ZC3H12B: variants seen among roughly 807,000 people sequenced by gnomAD.
ZC3H12B encodes the protein zinc finger CCCH-type containing 12B.
In ZC3H12B, 7 loss-of-function variants were observed where a neutral mutation model predicts 43.9. The ratio of observed to expected loss-of-function variants is 0.16; its 90% CI spans 0.09 to 0.30. The LOEUF (loss-of-function observed/expected upper bound fraction) is 0.30. ZC3H12B is among the 10% of genes least tolerant of loss of function. The pLI is 1.00. For synonymous variants in ZC3H12B, 222 were observed against 241.7 expected, an observed-to-expected ratio of 0.92 and a Z score of 0.76; for missense variants, 475 against 670.2, an observed-to-expected ratio of 0.71 and a Z score of 3.22.
At chrX:65,436,909 G>A (rs1438494331) in intron 3 of ZC3H12B, among the ~76,000 whole-genome samples, 1 of 110,501 alleles carries the variant, frequency 9.0e-6, no homozygotes, top group South Asian at 3.9e-4. Context: ...TCATCCTGTT[G>A]TACTATCAAA....
the ZC3H12B span, among the ~76,000 whole-genome samples, chrX:65,164,862 G>C: frequency 8.9e-6 from 1 of 111,975 alleles, no homozygotes; most frequent in Non-Finnish European, 1.9e-5. Flanking sequence ...GAATGTTAGA[G>C]CACAGGATAA....
the ZC3H12B span, among the ~76,000 whole-genome samples, chrX:65,119,041 A>G: frequency 4.3e-3 from 471 of 110,351 alleles, 2 homozygotes; most frequent in African/African-American, 0.013. Context: ...TCTTAATCCA[A>G]TCTATCATTG....
At chrX:65,491,160 A>T (rs779882658) in intron 1 of ZC3H12B, among the ~76,000 whole-genome samples, 13 of 112,158 alleles carry the variant, frequency 1.2e-4, no homozygotes, top group Non-Finnish European at 2.1e-4. Context: ...CAAATGAATG[A>T]AATGAAACAA....
the ZC3H12B span, among the ~76,000 whole-genome samples, chrX:65,192,544 A>C: frequency 6.3e-5 from 7 of 110,866 alleles, no homozygotes; most frequent in Admixed American, 6.8e-4. Context: ...GTTTTTTGGT[A>C]GGTTTATTTA....
At chrX:65,103,392 T>A in the ZC3H12B span, among the ~76,000 whole-genome samples, 1 of 112,058 alleles carries the variant, frequency 8.9e-6, no homozygotes, top group Admixed American at 9.5e-5. Context: ...ACTGTTATCC[T>A]GTTCTTTTTT....
the ZC3H12B span, among the ~76,000 whole-genome samples, chrX:65,108,229 A>G: frequency 9.0e-6 from 1 of 111,140 alleles, no homozygotes; most frequent in Non-Finnish European, 1.9e-5. Context: ...TTATTTTTAA[A>G]TTTTTAATAA....
intron 3 of ZC3H12B, among the ~76,000 whole-genome samples, chrX:65,414,721 C>A (rs935443509): frequency 9.0e-6 from 1 of 111,306 alleles, no homozygotes; most frequent in East Asian, 2.8e-4. Flanking sequence ...TCTCTACCTT[C>A]GCTTCTTTTT....
chrX:65,235,066 T>C, the ZC3H12B span, among the ~76,000 whole-genome samples: 2 of 112,310 alleles, frequency 1.8e-5, no homozygotes, highest in African/African-American at 6.5e-5. Context: ...GATGTATATG[T>C]ATTTCATTTT....
the ZC3H12B span, among the ~76,000 whole-genome samples, chrX:65,331,659 G>T: frequency 9.0e-6 from 1 of 110,576 alleles, no homozygotes; most frequent in African/African-American, 3.3e-5. Flanking sequence ...TCTATAAGCA[G>T]AGCAGTGGCT....
At chrX:65,231,019 G>A in the ZC3H12B span, among the ~76,000 whole-genome samples, 2 of 111,811 alleles carry the variant, frequency 1.8e-5, no homozygotes, top group African/African-American at 3.3e-5. Flanking sequence ...CCAGCCCCCA[G>A]TATTTCACCA....
the ZC3H12B span, among the ~76,000 whole-genome samples, chrX:65,114,916 A>ATTTTTTTTTTTTT: frequency 1.0e-4 from 2 of 19,323 alleles, no homozygotes; most frequent in African/African-American, 5.3e-4. Context: ...GTGTCTCAGG[A>ATTTTTTTTTTTTT]TTTTTTTTTT....
chrX:65,352,437 C>T, the ZC3H12B span, among the ~76,000 whole-genome samples: 2 of 103,352 alleles, frequency 1.9e-5, no homozygotes, highest in African/African-American at 7.1e-5. Context: ...GCACATTCTG[C>T]ACACGTATCC....
At chrX:65,370,538 A>G (rs2066230948) in intron 2 of ZC3H12B, among the ~76,000 whole-genome samples, 2 of 112,235 alleles carry the variant, frequency 1.8e-5, no homozygotes, top group African/African-American at 3.2e-5. Flanking sequence ...TATTTACCAT[A>G]TGCTAGTCAC....
the ZC3H12B span, among the ~76,000 whole-genome samples, chrX:65,187,416 A>G: frequency 2.7e-5 from 3 of 111,751 alleles, no homozygotes; most frequent in Admixed American, 9.6e-5. Flanking sequence ...AAAGGCTTTC[A>G]GAGCTAATGT....
intron 2 of ZC3H12B, among the ~76,000 whole-genome samples, chrX:65,374,270 CTATA>C (rs57169099): frequency 5.3e-4 from 42 of 78,782 alleles, no homozygotes; most frequent in Admixed American, 1.7e-3. Context: ...GTAATATATA[CTATA>C]TATATATATA....
the ZC3H12B span, among the ~76,000 whole-genome samples, chrX:65,117,838 T>C: frequency 1.8e-5 from 2 of 111,959 alleles, no homozygotes; most frequent in Admixed American, 9.5e-5. Context: ...CCATTGCTTG[T>C]TTTTCTCAGG....
the ZC3H12B span, among the ~76,000 whole-genome samples, chrX:65,128,845 C>G: frequency 9.0e-6 from 1 of 111,643 alleles, no homozygotes; most frequent in Non-Finnish European, 1.9e-5. Context: ...TCTACTTCAG[C>G]TAATATCAAC....
At chrX:65,187,374 GA>G in the ZC3H12B span, 1 of 111,536 alleles carries the variant, frequency 9.0e-6, no homozygotes, top group Admixed American at 9.6e-5. Flanking sequence ...CTGGATGGCT[GA>G]AAACAATTAT....
the ZC3H12B span, among the ~76,000 whole-genome samples, chrX:65,212,373 A>G: frequency 2.7e-3 from 133 of 48,385 alleles, 2 homozygotes; most frequent in African/African-American, 0.01. Context: ...TATATTACAT[A>G]TTGTATAATA....
Sources: gnomAD v4.1 joint callset for allele counts (sites outside exome capture counted in the v4.1 genomes callset) on GRCh38, gnomAD v4.1.1 for gene constraint, MANE v1.5 for transcripts, NCBI Gene and HGNC (gene_info 2026-07-23, HGNC 2026-07-21) for gene names.